NTNG1: variants seen among roughly 807,000 people sequenced by gnomAD.
The protein encoded by NTNG1 is netrin-G1.
Under a neutral mutation model 54.0 loss-of-function variants are expected in NTNG1, and 16 were observed. That is an observed-to-expected ratio of 0.30 (90% CI 0.20 to 0.45). NTNG1 has a LOEUF of 0.45. Ranked by LOEUF, NTNG1 falls within the 20% of genes least tolerant of loss-of-function variation. NTNG1 has a pLI of 1.00. For synonymous variants in NTNG1, 255 were observed against 263.1 expected, an observed-to-expected ratio of 0.97 and a Z score of 0.30; for missense variants, 530 against 678.7, an observed-to-expected ratio of 0.78 and a Z score of 2.43.
intron 2 of NTNG1, among the ~76,000 whole-genome samples, chr1:107,153,084 T>C (rs1654708038): frequency 6.6e-6 from 1 of 152,222 alleles, no homozygotes; most frequent in Admixed American, 6.5e-5. Context: ...GAAACTTTAA[T>C]TATTGTAAGC....
chr1:107,145,705 A>G (rs531245872), intron 1 of NTNG1, among the ~76,000 whole-genome samples: 2 of 152,202 alleles, frequency 1.3e-5, no homozygotes, highest in South Asian at 4.1e-4. Flanking sequence ...TTAAGCTATA[A>G]TTGGCTGCCT....
chr1:107,336,391 G>C (rs985149945), intron 3 of NTNG1, among the ~76,000 whole-genome samples: 18 of 151,486 alleles, frequency 1.2e-4, no homozygotes, highest in Admixed American at 1.2e-3. Flanking sequence ...ATGATGTTGG[G>C]AAAACTGAAC....
At chr1:107,186,237 A>C (rs1287958636) in intron 2 of NTNG1, among the ~76,000 whole-genome samples, 1 of 152,114 alleles carries the variant, frequency 6.6e-6, no homozygotes, top group Non-Finnish European at 1.5e-5. Flanking sequence ...AAATCTGTTC[A>C]CTTGCCTCCT....
At chr1:107,254,081 T>C (rs1249624523) in intron 2 of NTNG1, among the ~76,000 whole-genome samples, 1 of 152,206 alleles carries the variant, frequency 6.6e-6, no homozygotes, top group Non-Finnish European at 1.5e-5. Flanking sequence ...AAATATCTTT[T>C]AGGATTCATC....
rs1254000042 is a variant in NTNG1, at chr1:107,337,027, TACAG to T, written c.887+12109_887+12112del. ...GGTTTTTGCTATACTAATGAAATGG[TACAG>T]ACACTGTGGAAAACAGTGTGGCGAT... On this transcript the variant is annotated intron_variant, in intron 3 of 7. Transcript: ENST00000370068. Among the ~76,000 whole-genome samples the T allele has an allele frequency of 3.3e-5, 5 of 152,080 alleles. No homozygotes were observed. In the East Asian group the frequency reaches 9.7e-4, roughly 29 times the overall value.
At chr1:107,162,374 A>G (rs1655471963) in intron 2 of NTNG1, among the ~76,000 whole-genome samples, 1 of 152,148 alleles carries the variant, frequency 6.6e-6, no homozygotes, top group Non-Finnish European at 1.5e-5. Context: ...TACTATATTA[A>G]GAAATCATGT....
intron 2 of NTNG1, among the ~76,000 whole-genome samples, chr1:107,214,926 T>C (rs920472460): frequency 6.6e-6 from 1 of 152,110 alleles, no homozygotes; most frequent in Non-Finnish European, 1.5e-5. Flanking sequence ...CATTTGTATA[T>C]ATTTTTTTGA....
intron 3 of NTNG1, among the ~76,000 whole-genome samples, chr1:107,340,683 A>C (rs1425281813): frequency 2.6e-5 from 4 of 152,084 alleles, no homozygotes; most frequent in Admixed American, 1.3e-4. Context: ...ATACAAACTA[A>C]AATCAGAAAA....
At chr1:107,260,385 AG>A (rs1444546170) in intron 2 of NTNG1, among the ~76,000 whole-genome samples, 1 of 152,214 alleles carries the variant, frequency 6.6e-6, no homozygotes, top group Non-Finnish European at 1.5e-5. Flanking sequence ...AACAAAATGT[AG>A]GGACAATGGG....
chr1:107,151,181 T>C (rs1197994797), intron 2 of NTNG1, among the ~76,000 whole-genome samples: 2 of 152,218 alleles, frequency 1.3e-5, no homozygotes, highest in African/African-American at 4.8e-5. Flanking sequence ...TTTAAATATA[T>C]ACCTTGTGAC....
At chr1:107,202,287 A>G (rs1333170482) in intron 2 of NTNG1, among the ~76,000 whole-genome samples, 1 of 151,440 alleles carries the variant, frequency 6.6e-6, no homozygotes, top group Admixed American at 6.6e-5. Context: ...TAACTTTGTG[A>G]TTTGGACTAT....
intron 7 of NTNG1, among the ~76,000 whole-genome samples, chr1:107,464,845 C>T (rs1417321324): frequency 6.6e-6 from 1 of 152,128 alleles, no homozygotes. Context: ...TAGTTTAATA[C>T]TTTGAAGGTT....
chr1:107,403,999 A>C (rs1007170272), intron 4 of NTNG1, among the ~76,000 whole-genome samples: 1 of 151,422 alleles, frequency 6.6e-6, no homozygotes, highest in African/African-American at 2.4e-5. Context: ...ATCTTTCCCA[A>C]GTATTTTTGA....
chr1:107,216,949 T>C (rs1660005493), intron 2 of NTNG1, among the ~76,000 whole-genome samples: 1 of 152,180 alleles, frequency 6.6e-6, no homozygotes, highest in African/African-American at 2.4e-5. Flanking sequence ...AGTGCTGGGA[T>C]TACAGGCGTG....
chr1:107,409,148 T>C (rs552811219), intron 5 of NTNG1: 1 of 152,322 alleles, frequency 6.6e-6, no homozygotes, highest in Admixed American at 6.5e-5. Context: ...TCAGCTCTAA[T>C]AGTCTAATTT....
intron 2 of NTNG1, among the ~76,000 whole-genome samples, chr1:107,180,034 C>T (rs191822326): frequency 6.6e-6 from 1 of 152,134 alleles, no homozygotes; most frequent in African/African-American, 2.4e-5. Context: ...TATTGAAACC[C>T]TTGCTTCCTA....
chr1:107,189,657 A>G (rs1657753575), intron 2 of NTNG1, among the ~76,000 whole-genome samples: 1 of 152,078 alleles, frequency 6.6e-6, no homozygotes, highest in South Asian at 2.1e-4. Flanking sequence ...ATCCTAGCTG[A>G]ATGTATAAAC....
At chr1:107,233,391 G>C (rs1403012209) in intron 2 of NTNG1, among the ~76,000 whole-genome samples, 2 of 152,118 alleles carry the variant, frequency 1.3e-5, no homozygotes. Context: ...GTAGACTTTA[G>C]ATCACTCAAT....
At chr1:107,325,758 T>G (rs1667917207) in intron 3 of NTNG1, among the ~76,000 whole-genome samples, 1 of 151,776 alleles carries the variant, frequency 6.6e-6, no homozygotes, top group Non-Finnish European at 1.5e-5. Context: ...AGTGGAAGCA[T>G]GAGATAATGA....
Sources: gnomAD v4.1 joint callset for allele counts (sites outside exome capture counted in the v4.1 genomes callset) on GRCh38, gnomAD v4.1.1 for gene constraint, MANE v1.5 for transcripts, NCBI Gene and HGNC (gene_info 2026-07-23, HGNC 2026-07-21) for gene names.